Variants in CUL3 observed in about 807,000 individuals in gnomAD.
CUL3 encodes cullin 3.
CUL3 carries 19 observed loss-of-function variants against 89.1 expected under a neutral mutation model. The ratio of observed to expected loss-of-function variants is 0.21; its 90% CI spans 0.15 to 0.31. The LOEUF is 0.31. Among genes scored for constraint, CUL3 ranks in the 10% least tolerant of loss-of-function variants. CUL3 has a pLI of 1.00. For missense variants in CUL3, 469 were observed against 942.3 expected (o/e 0.50, Z 6.58); for synonymous variants, 351 against 308.4 (o/e 1.14, Z -1.45).
intron 8 of CUL3, among the ~76,000 whole-genome samples, chr2:224,504,943 T>A (rs536371366): frequency 7.0e-6 from 1 of 143,566 alleles, no homozygotes; most frequent in South Asian, 2.3e-4. Flanking sequence ...CACCAACCAT[T>A]TTCTGAGATG....
chr2:224,475,324 T>C (rs1691275954), intron 15 of CUL3, among the ~76,000 whole-genome samples: 1 of 152,216 alleles, frequency 6.6e-6, no homozygotes, highest in African/African-American at 2.4e-5. Context: ...GCCTATTTAA[T>C]GTTCTTAACC....
chr2:224,563,791 A>G (rs1694973594), intron 1 of CUL3, among the ~76,000 whole-genome samples: 1 of 152,198 alleles, frequency 6.6e-6, no homozygotes, highest in Non-Finnish European at 1.5e-5. Context: ...CATCTGGTTT[A>G]TCAGATCAAA....
intron 3 of CUL3, among the ~76,000 whole-genome samples, chr2:224,534,396 T>C (rs1306814539): frequency 2.0e-5 from 3 of 152,204 alleles, no homozygotes; most frequent in South Asian, 4.1e-4. Context: ...TGCAATAATA[T>C]ACTATTAAGA....
chr2:224,584,521 G>A (rs545174184), intron 1 of CUL3, among the ~76,000 whole-genome samples: 1 of 152,086 alleles, frequency 6.6e-6, no homozygotes, highest in South Asian at 2.1e-4. Flanking sequence ...GCTAGGCTGG[G>A]TAAATTTTCA....
At chr2:224,518,730 T>C (rs533615714) in intron 3 of CUL3, among the ~76,000 whole-genome samples, 1 of 152,292 alleles carries the variant, frequency 6.6e-6, no homozygotes, top group Non-Finnish European at 1.5e-5. Flanking sequence ...ATTAATATCA[T>C]TTCCTATGAA....
At position 224,478,229 on chromosome 2, in the gene CUL3, T is replaced by G; in HGVS notation, c.2146A>C (p.Lys716Gln). ...AIVRIMKSRK[K>Q]MQHNVLVAEV... ...GCTACTAGAACATTGTGCTGCATCT[T>G]CTTTCTAGATTTCATTATCCGCACT... Residue 716 changes from lysine (K) to glutamine (Q), a missense_variant, in exon 15 of 16, where the codon AAG becomes CAG. Lys to Gln is a moderately conservative substitution (Grantham distance 53). Coordinates refer to ENST00000264414, the MANE Select transcript of CUL3 (RefSeq NM_003590.5). 1 of 1,613,418 alleles carries G rather than the reference T, an allele frequency of 6.2e-7. No homozygotes were observed. The highest frequency in any genetic ancestry group is 1.1e-5 in the South Asian group (1 of 90,942).
intron 2 of CUL3, among the ~76,000 whole-genome samples, chr2:224,550,963 G>A (rs1233287584): frequency 6.6e-6 from 1 of 151,940 alleles, no homozygotes; most frequent in Non-Finnish European, 1.5e-5. Flanking sequence ...GCTTCTCTCT[G>A]CAACCCCATC....
At chr2:224,561,268 A>G (rs1694892824) in intron 1 of CUL3, among the ~76,000 whole-genome samples, 1 of 152,182 alleles carries the variant, frequency 6.6e-6, no homozygotes, top group African/African-American at 2.4e-5. Flanking sequence ...CTGCTAATAT[A>G]TGACTAATGA....
chr2:224,580,108 C>T (rs931198076), intron 1 of CUL3, among the ~76,000 whole-genome samples: 1 of 152,156 alleles, frequency 6.6e-6, no homozygotes, highest in Non-Finnish European at 1.5e-5. Context: ...ACAATTACAG[C>T]CTGCTTTCTT....
intron 15 of CUL3, among the ~76,000 whole-genome samples, chr2:224,476,072 G>A (rs1691309027): frequency 6.6e-6 from 1 of 151,720 alleles, no homozygotes; most frequent in Non-Finnish European, 1.5e-5. Context: ...CGCCCAGGGT[G>A]GAGTACAATG....
At chr2:224,496,832 C>G (rs1015083515) in intron 12 of CUL3, among the ~76,000 whole-genome samples, 2 of 152,078 alleles carry the variant, frequency 1.3e-5, no homozygotes, top group African/African-American at 4.8e-5. Context: ...ATCTACTGAT[C>G]TGCTTAATAA....
intron 3 of CUL3, among the ~76,000 whole-genome samples, chr2:224,516,234 T>C (rs1402696198): frequency 1.3e-5 from 2 of 152,146 alleles, no homozygotes; most frequent in Non-Finnish European, 2.9e-5. Flanking sequence ...ATTGATGACT[T>C]TGAACTTCTT....
At chr2:224,489,146 A>G (rs1273779696) in intron 13 of CUL3, among the ~76,000 whole-genome samples, 2 of 152,254 alleles carry the variant, frequency 1.3e-5, no homozygotes, top group Non-Finnish European at 2.9e-5. Context: ...CCCATAGCCA[A>G]TATCATACTG....
chr2:224,505,757 A>G (rs990082637), intron 8 of CUL3, 199 bp downstream of exon 8: 1 of 308,716 alleles, frequency 3.2e-6, no homozygotes, highest in African/African-American at 2.2e-5. Flanking sequence ...TTTGAAGCCA[A>G]TTACACATTA....
At position 224,475,721 on chromosome 2, in the gene CUL3, CCT is replaced by C. The variant is rs538959115; in HGVS notation, c.2176-1347_2176-1346del. 2.9e-4 allele frequency among the ~76,000 whole-genome samples: 44 copies of C among 152,282 alleles called. No individual in the cohort carries two copies. In the East Asian group the frequency reaches 2.9e-3, roughly 10 times the overall value. On this transcript the variant is annotated intron_variant, in intron 15 of 15. Coordinates refer to ENST00000264414, the MANE Select transcript of CUL3 (RefSeq NM_003590.5). Reference sequence around the variant, plus strand: ...CAGCTCCTATCGACTTGCTCCCTCCCCTGTTTAACCGAGCCTAAACTGCATTC... The same window carrying C: ...CAGCTCCTATCGACTTGCTCCCTCCCGTTTAACCGAGCCTAAACTGCATTC...
chr2:224,490,773 G>T (rs940318), intron 13 of CUL3, among the ~76,000 whole-genome samples: 3 of 151,172 alleles, frequency 2.0e-5, no homozygotes, highest in Non-Finnish European at 4.4e-5. Context: ...TTTGCTTCTG[G>T]ACTCCCTTTT....
intron 1 of CUL3, among the ~76,000 whole-genome samples, chr2:224,562,277 T>C (rs1008673332): frequency 1.4e-4 from 22 of 151,772 alleles, no homozygotes; most frequent in Admixed American, 2.6e-4. Flanking sequence ...TATTGATAGA[T>C]AAAAGATGGG....
rs188917347 is a variant in CUL3 at position 224,550,703 on chromosome 2, C to T, written c.264+6956G>A. ...AATCTGCTAGCAGGTAACGTTCTTTCTACATCCAAAATATATCTTGTATTT... is the reference window on the plus strand; with the variant it reads ...AATCTGCTAGCAGGTAACGTTCTTTTTACATCCAAAATATATCTTGTATTT... On this transcript the variant is annotated intron_variant, in intron 2 of 15. Transcript: ENST00000264414. 1.8e-3 allele frequency among the ~76,000 whole-genome samples: 280 copies of T among 152,282 alleles called. 3 individuals carry two copies. The highest frequency in any genetic ancestry group is 6.5e-3 in the African/African-American group (269 of 41,540).
chr2:224,566,460 T>C (rs889637574), intron 1 of CUL3, among the ~76,000 whole-genome samples: 8 of 152,236 alleles, frequency 5.3e-5, no homozygotes, highest in Non-Finnish European at 2.9e-5. Flanking sequence ...CCCTAGTATG[T>C]GCTTCTCTCC....
Sources: allele counts gnomAD v4.1 joint callset (sites outside exome capture counted in the v4.1 genomes callset), GRCh38; gene constraint gnomAD v4.1.1; transcripts MANE v1.5; gene names NCBI Gene and HGNC (gene_info 2026-07-23, HGNC 2026-07-21).